Variants in NEB observed in about 807,000 individuals in gnomAD.
NEB encodes the protein nebulin.
Under a neutral mutation model 952.2 loss-of-function variants are expected in NEB, and 512 were observed. The observed-to-expected ratio is 0.54, with a 90% confidence interval of 0.50 to 0.58. NEB has a LOEUF of 0.58. Among genes scored for constraint, NEB ranks in the 20% least tolerant of loss-of-function variants. The probability of loss-of-function intolerance (pLI) is 0.00; values close to 1 mark genes in which losing one functional copy is unlikely to be tolerated. For missense variants in NEB, 8,428 were observed against 9,231.1 expected (o/e 0.91, Z 3.56); for synonymous variants, 2,900 against 3,149.8 (o/e 0.92, Z 2.66).
At chr2:151,525,086 C>G in intron 151 of NEB, 77 bp downstream of exon 151, 1 of 1,040,280 alleles carries the variant, frequency 9.6e-7, no homozygotes, top group Non-Finnish European at 1.5e-6. Context: ...TGACCACACA[C>G]TGGAACAAGA....
chr2:151,578,577 C>T (rs2096966956), intron 105 of NEB, among the ~76,000 whole-genome samples: 1 of 151,372 alleles, frequency 6.6e-6, no homozygotes, highest in African/African-American at 2.4e-5. Flanking sequence ...AGAAGAATCG[C>T]TTGAACCCGG....
intron 42 of NEB, among the ~76,000 whole-genome samples, 198 bp from the exon 43 acceptor site, chr2:151,665,061 C>T (rs926034587): frequency 6.6e-6 from 1 of 152,160 alleles, no homozygotes; most frequent in Non-Finnish European, 1.5e-5. Context: ...CCCTCTACCA[C>T]CAAAGCACCA....
intron 165 of NEB, among the ~76,000 whole-genome samples, chr2:151,504,296 T>C (rs115092099): frequency 0.015 from 2,257 of 152,314 alleles, 80 homozygotes; most frequent in East Asian, 0.14. Context: ...TAGGAACCTT[T>C]GAACATCTAC....
At chr2:151,515,000 G>C in intron 157 of NEB, 72 bp from the exon 158 acceptor site, 4 of 837,124 alleles carry the variant, frequency 4.8e-6, no homozygotes, top group Non-Finnish European at 7.2e-6. Context: ...ATCTCAGGAA[G>C]AAAAAAAAAA....
In NEB at chr2:151,672,454, T is replaced by C. The variant is rs2099312710; in HGVS notation, c.4214A>G (p.Tyr1405Cys). 1 of 1,614,014 alleles carries C rather than the reference T, an allele frequency of 6.2e-7. No homozygotes were observed. Among genetic ancestry groups the C allele is most frequent in the Non-Finnish European group, 8.5e-7 (1 of 1,179,852 alleles). ...MAQDVATNVN[Y>C]KQPLHHYTYL... The stretch of plus-strand genomic sequence containing the variant: ...TGTGTAATGATGCAATGGCTGTTTG[T>C]AGTTGACATTGGTAGCGACATCCTG... Residue 1405 changes from tyrosine to cysteine, a missense_variant, in exon 37 of 182, where the codon TAC becomes TGC. By Grantham distance (194) the Tyr-to-Cys change is radical. Coordinates refer to ENST00000397345, the MANE Select transcript of NEB (RefSeq NM_001164508.2).
At chr2:151,635,339 C>T (rs140432671) in intron 64 of NEB, among the ~76,000 whole-genome samples, 9 of 152,024 alleles carry the variant, frequency 5.9e-5, no homozygotes, top group Admixed American at 3.3e-4. Context: ...TTTTTAGAGC[C>T]GTCATTTGTT....
chr2:151,490,047 G>A lies in NEB; in HGVS notation c.25328C>T (p.Pro8443Leu). Reference protein sequence around the residue: ...AYKHAKTTELPQQRSSSVATQ... With the variant: ...AYKHAKTTELLQQRSSSVATQ... ...AGCAACTGAAGATGATCGTTGTTGT[G>A]GGAGCTCTGTGGTTTTTGCATGTTT... The change falls in exon 181 of 182, where the codon CCA becomes CTA. Residue 8443 changes from proline to leucine, a missense_variant. Physicochemically the swap from Pro to Leu is moderately conservative, Grantham distance 98. Around this residue, in one of 11 missense-constraint regions of NEB, gnomAD observed 3,374 missense variants for 3,651.5 expected, o/e 0.92. Coordinates refer to ENST00000397345, the MANE Select transcript of NEB (RefSeq NM_001164508.2). 1.2e-6 allele frequency: 2 copies of A among 1,612,616 alleles called. No homozygotes were observed. Among genetic ancestry groups the A allele is most frequent in the Non-Finnish European group, 1.7e-6 (2 of 1,179,412 alleles).
intron 20 of NEB, 83 bp from the exon 21 acceptor site, chr2:151,692,445 T>G: frequency 8.7e-7 from 1 of 1,146,508 alleles, no homozygotes; most frequent in Non-Finnish European, 1.3e-6. Context: ...TTTGCTGCAC[T>G]TTAACTGAAG....
At position 151,724,945 on chromosome 2, in the gene NEB, T is replaced by G; in HGVS notation, c.419A>C (p.Asp140Ala). The change falls in exon 7 of 182, where the codon GAT becomes GCT. Residue 140 changes from aspartate (D) to alanine (A), a missense_variant. By Grantham distance (126) the Asp-to-Ala change is moderately radical. This residue lies in a region of NEB where 2,851 missense variants were observed against 2,791.5 expected (regional missense o/e 1.02). Transcript: ENST00000397345. The stretch of plus-strand genomic sequence containing the variant: ...ACATATAGTCTTAGCAACATCACCA[T>G]CCATTCGATACTTAACCTGCCCAAA... ...DQLSEVKYRM[D>A]GDVAKTICHV... 2 of 1,613,678 alleles carry G rather than the reference T, an allele frequency of 1.2e-6. No individual in the cohort carries two copies. Among genetic ancestry groups the G allele is most frequent in the Non-Finnish European group, 1.7e-6 (2 of 1,179,752 alleles).
chr2:151,575,899 C>G (rs994918370), intron 106 of NEB, 100 bp from the exon 107 acceptor site: 4 of 916,104 alleles, frequency 4.4e-6, no homozygotes, highest in Admixed American at 1.9e-5. Context: ...GATCCAAAAC[C>G]CTTTCATGTT....
At chr2:151,505,808 A>C (rs1039572308) in intron 164 of NEB, 1 of 561,180 alleles carries the variant, frequency 1.8e-6, no homozygotes, top group African/African-American at 1.9e-5. Context: ...GGGGGCCCCT[A>C]TTTAGACTGC....
intron 12 of NEB, 84 bp downstream of exon 12, chr2:151,709,572 T>C (rs2099737714): frequency 4.7e-6 from 5 of 1,060,620 alleles, no homozygotes; most frequent in Non-Finnish European, 7.0e-6. Flanking sequence ...CTCCCCTTTT[T>C]TACTAATTAT....
In NEB at chr2:151,644,012, C is replaced by T. The variant is rs756738995; in HGVS notation, c.7762G>A (p.Glu2588Lys). The T allele has an allele frequency of 1.2e-5, 20 of 1,613,970 alleles. No homozygotes were observed. The highest frequency in any genetic ancestry group is 3.3e-4 in the Middle Eastern group (2 of 6,062). ...CACTTCTCAAAGTCCTTCTTGTACT[C>T]CCTGTCACTCTGGATCTTGGCCACA... ...MHVAKIQSDREYKKDFEKWKT... is the reference protein window; with the variant it reads ...MHVAKIQSDRKYKKDFEKWKT... Residue 2588 changes from glutamate (E) to lysine (K), a missense_variant, in exon 57 of 182, where the codon GAG becomes AAG. Physicochemically the swap from Glu to Lys is moderately conservative, Grantham distance 56. Transcript: ENST00000397345.
At chr2:151,514,539 T>G in intron 158 of NEB, 111 bp from the exon 159 acceptor site, 1 of 852,732 alleles carries the variant, frequency 1.2e-6, no homozygotes, top group Non-Finnish European at 2.0e-6. Context: ...CACAGTTTAG[T>G]AAGTAAAAAT....
At chr2:151,629,777 G>A in intron 67 of NEB, 131 bp from the exon 68 acceptor site, 6 of 669,258 alleles carry the variant, frequency 9.0e-6, no homozygotes, top group South Asian at 1.8e-5. Context: ...TGGCAATAGT[G>A]GAAAGCAAAT....
At position 151,554,928 on chromosome 2, in the gene NEB, T is replaced by TA; in HGVS notation, c.19428+2dup. 1 of 1,602,400 alleles carries TA rather than the reference T, an allele frequency of 6.2e-7. No homozygotes were observed. Among genetic ancestry groups the TA allele is most frequent in the Non-Finnish European group, 8.6e-7 (1 of 1,169,354 alleles). On this transcript the variant is annotated splice_region_variant and intron_variant, in intron 125 of 181. Transcript: ENST00000397345. The stretch of plus-strand genomic sequence containing the variant: ...TCATTAAGGGGCGCATGACCGTACT[T>TA]ACATCGATGTTAAGCTTGCCAACTC...
intron 107 of NEB, among the ~76,000 whole-genome samples, chr2:151,574,715 GT>G (rs1363995397): frequency 9.5e-6 from 1 of 105,022 alleles, no homozygotes; most frequent in Non-Finnish European, 2.2e-5. Flanking sequence ...TTGGTCTACA[GT>G]TTAAATTTTA....
intron 170 of NEB, 72 bp from the exon 171 acceptor site, chr2:151,497,790 A>G (rs2152976899): frequency 1.3e-6 from 2 of 1,541,290 alleles, no homozygotes; most frequent in East Asian, 4.9e-5. Flanking sequence ...TTTAAGGATG[A>G]GGAAAAAACA....
At chr2:151,524,225 C>T in intron 153 of NEB, 86 bp downstream of exon 153, 1 of 1,167,826 alleles carries the variant, frequency 8.6e-7, no homozygotes, top group Non-Finnish European at 1.3e-6. Flanking sequence ...CATCCCTTTG[C>T]ATTTTCAATC....
Sources: gnomAD v4.1 joint callset for allele counts (sites outside exome capture counted in the v4.1 genomes callset) on GRCh38, gnomAD v4.1.1 for gene constraint, gnomAD v4.1.1 regional missense constraint, MANE v1.5 for transcripts, NCBI Gene and HGNC (gene_info 2026-07-23, HGNC 2026-07-21) for gene names.